Variants in GRIA3 observed in about 807,000 individuals in gnomAD.
GRIA3 encodes glutamate receptor 3.
GRIA3 carries 3 observed loss-of-function variants against 63.0 expected under a neutral mutation model. The ratio of observed to expected loss-of-function variants is 0.05; its 90% CI spans 0.02 to 0.12. The LOEUF (loss-of-function observed/expected upper bound fraction) is 0.12. Among genes scored for constraint, GRIA3 ranks in the 10% least tolerant of loss-of-function variants. The pLI is 1.00. For synonymous variants in GRIA3, 274 were observed against 257.9 expected, an observed-to-expected ratio of 1.06 and a Z score of -0.60; for missense variants, 347 against 700.9, an observed-to-expected ratio of 0.50 and a Z score of 5.70.
rs2045960157 is a variant in GRIA3, at chrX:123,489,831, A to G, written c.*1121A>G. On this transcript the variant is annotated 3_prime_UTR_variant, in exon 16 of 16. Transcript: ENST00000620443. Reference sequence around the variant, plus strand: ...TTACTCTTGCTAGGTCTGTCCTACTAGCTGTTGCCTGCTACCGCCCATGGC... The same window carrying G: ...TTACTCTTGCTAGGTCTGTCCTACTGGCTGTTGCCTGCTACCGCCCATGGC... The G allele has an allele frequency of 8.9e-6, 1 of 112,131 alleles. No homozygotes were observed. Among genetic ancestry groups the G allele is most frequent in the Admixed American group, 9.5e-5 (1 of 10,574 alleles). 9.2% of individuals were successfully genotyped at this position (112,131 alleles called of 1,213,427 possible). A position where few individuals can be genotyped will look rare whatever the true frequency, so the allele number is the denominator to read the frequency against.
intron 3 of GRIA3, among the ~76,000 whole-genome samples, chrX:123,299,976 A>G (rs1284713737): frequency 1.8e-5 from 2 of 111,659 alleles, no homozygotes; most frequent in Non-Finnish European, 3.8e-5. Flanking sequence ...TTCTGCATAT[A>G]TTAAGGTAAT....
At chrX:123,381,859 C>T (rs2045326603) in intron 5 of GRIA3, among the ~76,000 whole-genome samples, 1 of 112,149 alleles carries the variant, frequency 8.9e-6, no homozygotes, top group African/African-American at 3.2e-5. Context: ...TGACAATTTT[C>T]CTTATATCCA....
chrX:123,385,605 T>C (rs2045350219), intron 5 of GRIA3, among the ~76,000 whole-genome samples: 1 of 112,654 alleles, frequency 8.9e-6, no homozygotes, highest in Non-Finnish European at 1.9e-5. Context: ...ATGATATAGA[T>C]TCTTCCTAAC....
chrX:123,364,437 A>G (rs1332265202), intron 5 of GRIA3, among the ~76,000 whole-genome samples: 3 of 112,388 alleles, frequency 2.7e-5, no homozygotes, highest in Non-Finnish European at 5.6e-5. Context: ...CAAATTTGAT[A>G]TAGATGTTCT....
intron 12 of GRIA3, among the ~76,000 whole-genome samples, chrX:123,440,020 G>T (rs1416642988): frequency 9.0e-6 from 1 of 111,638 alleles, no homozygotes; most frequent in East Asian, 2.8e-4. Flanking sequence ...TCATTTAGCT[G>T]CCACTTATAA....
At chrX:123,422,455 T>A (rs1426200611) in intron 11 of GRIA3, among the ~76,000 whole-genome samples, 4 of 112,200 alleles carry the variant, frequency 3.6e-5, no homozygotes, top group African/African-American at 1.3e-4. Context: ...ACTGATTTAT[T>A]AGGAGGAGTC....
intron 12 of GRIA3, among the ~76,000 whole-genome samples, chrX:123,454,593 C>T (rs993252926): frequency 5.4e-5 from 6 of 110,677 alleles, no homozygotes; most frequent in Admixed American, 1.9e-4. Context: ...TTAACAGCTC[C>T]GCTGGCTTCT....
intron 2 of GRIA3, among the ~76,000 whole-genome samples, chrX:123,251,643 C>G (rs2044390747): frequency 9.0e-6 from 1 of 111,285 alleles, no homozygotes; most frequent in African/African-American, 3.3e-5. Context: ...ACCGTGTTAG[C>G]CAGGGTGGTC....
chrX:123,217,990 G>C (rs1199096961), intron 2 of GRIA3, among the ~76,000 whole-genome samples: 1 of 112,693 alleles, frequency 8.9e-6, no homozygotes, highest in Non-Finnish European at 1.9e-5. Context: ...AATCGTTTGG[G>C]GGAGGGGAAG....
At chrX:123,333,902 G>C (rs1407270599) in intron 4 of GRIA3, among the ~76,000 whole-genome samples, 1 of 111,044 alleles carries the variant, frequency 9.0e-6, no homozygotes, top group Non-Finnish European at 1.9e-5. Flanking sequence ...AGCCATTCCA[G>C]GTGTCTCTCT....
intron 2 of GRIA3, among the ~76,000 whole-genome samples, chrX:123,223,344 T>C (rs1415969999): frequency 8.9e-6 from 1 of 112,962 alleles, no homozygotes; most frequent in Non-Finnish European, 1.9e-5. Flanking sequence ...GGCCTTTGAA[T>C]GCTACAGCAA....
At chrX:123,356,027 G>A (rs1276840400) in intron 5 of GRIA3, among the ~76,000 whole-genome samples, 2 of 111,003 alleles carry the variant, frequency 1.8e-5, no homozygotes, top group East Asian at 5.6e-4. Context: ...GTCCATTTTG[G>A]GAATAAATGA....
At chrX:123,430,006 AT>A (rs972269412) in intron 12 of GRIA3, among the ~76,000 whole-genome samples, 1 of 111,994 alleles carries the variant, frequency 8.9e-6, no homozygotes, top group African/African-American at 3.2e-5. Context: ...GTGTGACCAA[AT>A]ATTCATTGCC....
intron 2 of GRIA3, among the ~76,000 whole-genome samples, chrX:123,194,178 C>T (rs1927514381): frequency 9.0e-6 from 1 of 110,563 alleles, no homozygotes; most frequent in Admixed American, 9.6e-5. Flanking sequence ...TCAGGATTTT[C>T]CACAGTTACT....
chrX:123,373,037 C>T (rs992942296), intron 5 of GRIA3, among the ~76,000 whole-genome samples: 7 of 109,011 alleles, frequency 6.4e-5, no homozygotes, highest in Non-Finnish European at 1.3e-4. Context: ...CACAACAGGC[C>T]CCGGTGTGTG....
intron 2 of GRIA3, among the ~76,000 whole-genome samples, chrX:123,188,825 G>A (rs769563367): frequency 1.3e-3 from 145 of 111,866 alleles, no homozygotes; most frequent in African/African-American, 4.0e-3. Context: ...GCAGGTAAAC[G>A]AATACACAAA....
chrX:123,393,662 T>C (rs2045397988), intron 5 of GRIA3, among the ~76,000 whole-genome samples: 1 of 112,084 alleles, frequency 8.9e-6, no homozygotes, highest in South Asian at 3.7e-4. Context: ...AGTGAAATGG[T>C]TTGATAGATG....
At chrX:123,277,715 G>A (rs2044563105) in intron 3 of GRIA3, among the ~76,000 whole-genome samples, 1 of 111,928 alleles carries the variant, frequency 8.9e-6, no homozygotes, top group African/African-American at 3.2e-5. Flanking sequence ...GGATTCAAAG[G>A]ACCTGTTCTC....
chrX:123,201,220 AT>A (rs1169774599), intron 2 of GRIA3, among the ~76,000 whole-genome samples: 1 of 112,070 alleles, frequency 8.9e-6, no homozygotes, highest in Non-Finnish European at 1.9e-5. Flanking sequence ...TGCATGAGTT[AT>A]TTTAGTAGTC....
Sources: gnomAD v4.1 joint callset for allele counts (sites outside exome capture counted in the v4.1 genomes callset) on GRCh38, gnomAD v4.1.1 for gene constraint, MANE v1.5 for transcripts, NCBI Gene and HGNC (gene_info 2026-07-23, HGNC 2026-07-21) for gene names.